The following SLC30A7 variants were observed in gnomAD, a reference collection of about 807,000 sequenced individuals.
SLC30A7 encodes the protein zinc transporter 7.
SLC30A7 carries 35 observed loss-of-function variants against 46.0 expected under a neutral mutation model. That is an observed-to-expected ratio of 0.76 (90% confidence interval 0.58 to 1.01). The LOEUF (loss-of-function observed/expected upper bound fraction) is 1.01. Ranked by LOEUF, SLC30A7 falls within the 50% of genes least tolerant of loss-of-function variation. The pLI is 0.00. For missense variants in SLC30A7, 464 were observed against 451.1 expected, an observed-to-expected ratio of 1.03 and a Z score of -0.26; for synonymous variants, 147 against 157.8, an observed-to-expected ratio of 0.93 and a Z score of 0.51.
downstream of SLC30A7, among the ~76,000 whole-genome samples, chr1:100,984,967 TTAAAA>T (rs1293498669): frequency 1.3e-5 from 2 of 152,102 alleles, no homozygotes; most frequent in Admixed American, 6.5e-5. Flanking sequence ...GAAACAAATG[TTAAAA>T]TAAAAAACAG....
At chr1:100,952,820 C>T (rs1655026641) in intron 8 of SLC30A7, among the ~76,000 whole-genome samples, 1 of 152,270 alleles carries the variant, frequency 6.6e-6, no homozygotes, top group East Asian at 1.9e-4. Flanking sequence ...CAGCAACATA[C>T]TCGGCCATTA....
rs1656405598 is a variant in SLC30A7 at position 100,975,341 on chromosome 1, G to A, written c.*484G>A. 6.6e-6 allele frequency: 1 copy of A among 152,602 alleles called. No individual in the cohort carries two copies. Among genetic ancestry groups the A allele is most frequent in the African/African-American group, 2.4e-5 (1 of 41,362 alleles). The allele number at this position is 152,602 out of a possible 1,614,324, so 9.5% of individuals were successfully genotyped here. On this transcript the variant is annotated 3_prime_UTR_variant, in exon 11 of 11. Coordinates refer to ENST00000357650, the MANE Select transcript of SLC30A7 (RefSeq NM_133496.5). ...TTTTTTTTAAAAAAAGAAAGAAATT[G>A]GAAATCTGTGCTATACGTAATGTCA... is the stretch of plus-strand genomic sequence containing the variant.
At chr1:100,986,207 C>T (rs751673082), downstream of SLC30A7, among the ~76,000 whole-genome samples, 7 of 152,070 alleles carry the variant, frequency 4.6e-5, no homozygotes, top group South Asian at 2.1e-4. Flanking sequence ...GTTGGGAGTT[C>T]GGGACCAGCC....
intron 2 of SLC30A7, among the ~76,000 whole-genome samples, chr1:100,904,786 C>T (rs1297294572): frequency 2.0e-5 from 3 of 152,094 alleles, no homozygotes; most frequent in Non-Finnish European, 2.9e-5. Context: ...TACTCAGTAC[C>T]CAGTTTATGG....
chr1:100,953,527 G>T (rs756039098), intron 8 of SLC30A7, among the ~76,000 whole-genome samples: 1 of 152,062 alleles, frequency 6.6e-6, no homozygotes, highest in Non-Finnish European at 1.5e-5. Flanking sequence ...CTTGACTTCT[G>T]TGCTTTTTAA....
At chr1:100,944,004 C>T (rs1031816954) in intron 8 of SLC30A7, among the ~76,000 whole-genome samples, 7 of 152,104 alleles carry the variant, frequency 4.6e-5, no homozygotes, top group East Asian at 3.8e-4. Context: ...GTTACCTTTT[C>T]GGCAGAGGAA....
chr1:100,964,334 TATATGTTATATATACATATAC>T lies in SLC30A7; in HGVS notation c.934-1428_934-1408del, dbSNP rs1343627728. Among the ~76,000 whole-genome samples, 4 of 144,634 alleles carry T rather than the reference TATATGTTATATATACATATAC, an allele frequency of 2.8e-5. No homozygotes were observed. The Admixed American group carries it at 2.8e-4, about 10-fold the overall frequency. 94.9% of individuals were successfully genotyped at this position (144,634 alleles called of 152,430 possible). Reference sequence around the variant, plus strand: ...TATATATGTTATATACATGTATGTATATATGTTATATATACATATACATATGTATATGTATATATAACATAT... The same window carrying T: ...TATATATGTTATATACATGTATGTATATATGTATATGTATATATAACATAT... On this transcript the variant is annotated intron_variant, in intron 9 of 10. Coordinates refer to ENST00000357650, the MANE Select transcript of SLC30A7 (RefSeq NM_133496.5).
At chr1:100,923,055 G>T (rs1299486976) in intron 8 of SLC30A7, among the ~76,000 whole-genome samples, 3 of 76,022 alleles carry the variant, frequency 3.9e-5, no homozygotes, top group African/African-American at 1.6e-4. Flanking sequence ...TCTCGCTGTC[G>T]CCCAGGCTGG....
At chr1:100,934,631 G>A (rs1363813010) in intron 8 of SLC30A7, among the ~76,000 whole-genome samples, 2 of 150,918 alleles carry the variant, frequency 1.3e-5, no homozygotes, top group African/African-American at 4.9e-5. Context: ...CACATCTAGT[G>A]AGGATACACA....
intron 8 of SLC30A7, among the ~76,000 whole-genome samples, chr1:100,955,400 T>C (rs1317004653): frequency 6.6e-6 from 1 of 152,100 alleles, no homozygotes; most frequent in Non-Finnish European, 1.5e-5. Context: ...AGATTATAAC[T>C]GTGATTTACC....
chr1:100,995,493 A>T, the SLC30A7 span: 1 of 173,508 alleles, frequency 5.8e-6, no homozygotes, highest in African/African-American at 2.4e-5. Flanking sequence ...GCACAGACCC[A>T]TCTGAAAGCC....
intron 4 of SLC30A7, 113 bp from the exon 5 acceptor site, chr1:100,911,999 A>T: frequency 1.1e-6 from 1 of 888,514 alleles, no homozygotes. Context: ...GATTTTTTTT[A>T]GTGTTTTTAA....
At chr1:100,942,470 C>G (rs1354442034) in intron 8 of SLC30A7, among the ~76,000 whole-genome samples, 1 of 152,136 alleles carries the variant, frequency 6.6e-6, no homozygotes, top group African/African-American at 2.4e-5. Flanking sequence ...GTTCTCTCAC[C>G]CAGCAACAAT....
the SLC30A7 span, chr1:100,992,760 T>C: frequency 1.9e-6 from 3 of 1,557,158 alleles, no homozygotes; most frequent in Non-Finnish European, 1.8e-6. Flanking sequence ...GAAAACTAGA[T>C]GCCACTGTTC....
intron 8 of SLC30A7, among the ~76,000 whole-genome samples, chr1:100,959,376 C>T (rs1481814195): frequency 3.9e-5 from 6 of 152,172 alleles, no homozygotes; most frequent in South Asian, 2.1e-4. Flanking sequence ...TTATCTTATA[C>T]GTTCTGTGGT....
At chr1:100,933,471 G>C (rs1310700572) in intron 8 of SLC30A7, among the ~76,000 whole-genome samples, 1 of 151,424 alleles carries the variant, frequency 6.6e-6, no homozygotes, top group Non-Finnish European at 1.5e-5. Flanking sequence ...CAACATGCAG[G>C]TTTGTTACAT....
At position 100,933,045 on chromosome 1, in the gene SLC30A7, G is replaced by A. The variant is rs147732604; in HGVS notation, c.842+11204G>A. Reference sequence around the variant, plus strand: ...GGCTAGAGTGCTGTGGCGCAATCTCGGCTCACTGCAAGCTCTGCCTCCCTG... The same window carrying A: ...GGCTAGAGTGCTGTGGCGCAATCTCAGCTCACTGCAAGCTCTGCCTCCCTG... On this transcript the variant is annotated intron_variant, in intron 8 of 10. Coordinates refer to ENST00000357650, the MANE Select transcript of SLC30A7 (RefSeq NM_133496.5). 7.9e-3 allele frequency among the ~76,000 whole-genome samples: 1,171 copies of A among 149,152 alleles called. 10 individuals carry two copies. Among genetic ancestry groups the A allele is most frequent in the Non-Finnish European group, 0.014 (936 of 67,604 alleles).
intron 8 of SLC30A7, among the ~76,000 whole-genome samples, chr1:100,956,201 A>C (rs1429350903): frequency 1.3e-5 from 2 of 152,148 alleles, no homozygotes; most frequent in Non-Finnish European, 2.9e-5. Context: ...ACATTTTATT[A>C]AAATGTTTAT....
At chr1:100,988,894 G>T in the SLC30A7 span, among the ~76,000 whole-genome samples, 1 of 151,684 alleles carries the variant, frequency 6.6e-6, no homozygotes, top group Non-Finnish European at 1.5e-5. Context: ...AGAAAAAAGA[G>T]ATGTTTCATA....
Sources: allele counts gnomAD v4.1 joint callset (sites outside exome capture counted in the v4.1 genomes callset), GRCh38; gene constraint gnomAD v4.1.1; transcripts MANE v1.5; gene names NCBI Gene and HGNC (gene_info 2026-07-23, HGNC 2026-07-21).